MACROH2A1: variants seen among roughly 807,000 people sequenced by gnomAD.
MACROH2A1 encodes the protein macroH2A.1 histone.
Under a neutral mutation model 31.6 loss-of-function variants are expected in MACROH2A1, and 2 were observed. The observed-to-expected ratio is 0.06, with a 90% confidence interval of 0.03 to 0.20. The LOEUF is 0.20. MACROH2A1 is among the 10% of genes least tolerant of loss of function. The probability of loss-of-function intolerance (pLI) is 1.00; values close to 1 mark genes in which losing one functional copy is unlikely to be tolerated. For missense variants in MACROH2A1, 230 were observed against 474.0 expected (o/e 0.49, Z 4.78); for synonymous variants, 169 against 189.6 (o/e 0.89, Z 0.89).
chr5:135,335,145 G>T lies in MACROH2A1; in HGVS notation c.954-4C>A. The T allele has an allele frequency of 6.2e-7, 1 of 1,613,318 alleles. No homozygotes were observed. Among genetic ancestry groups the T allele is most frequent in the South Asian group, 1.1e-5 (1 of 91,016 alleles). ...TGTCTGCTTTGGAAAACCGTTCCTG[G>T]AGAAGAGAAGATAAGCACTCAGCAA... On this transcript the variant is annotated splice_region_variant and splice_polypyrimidine_tract_variant and intron_variant, in intron 8 of 8. Coordinates refer to ENST00000511689, the MANE Select transcript of MACROH2A1 (RefSeq NM_138610.3).
At chr5:135,358,707 G>T (rs1453930999) in intron 5 of MACROH2A1, 3 of 930,824 alleles carry the variant, frequency 3.2e-6, no homozygotes, top group Non-Finnish European at 3.8e-6. Context: ...TAAATGATAT[G>T]TTTGTAATTT....
intron 2 of MACROH2A1, among the ~76,000 whole-genome samples, chr5:135,384,026 G>A (rs539219041): frequency 1.2e-4 from 18 of 152,216 alleles, no homozygotes; most frequent in Admixed American, 8.5e-4. Context: ...TGAGTGTCCC[G>A]GATAGGAAGG....
At chr5:135,349,677 C>T (rs1761280787) in intron 6 of MACROH2A1, among the ~76,000 whole-genome samples, 1 of 152,202 alleles carries the variant, frequency 6.6e-6, no homozygotes. Flanking sequence ...GATGACTTCA[C>T]TGTCTGCTGA....
intron 5 of MACROH2A1, chr5:135,359,159 C>T: frequency 1.0e-6 from 1 of 985,280 alleles, no homozygotes; most frequent in Non-Finnish European, 1.2e-6. Flanking sequence ...CAGGAGGTAA[C>T]AAGAACATAG....
intron 8 of MACROH2A1, among the ~76,000 whole-genome samples, chr5:135,340,268 A>G (rs1759587525): frequency 6.6e-6 from 1 of 152,208 alleles, no homozygotes; most frequent in Admixed American, 6.5e-5. Flanking sequence ...TTGCCCTTGA[A>G]AGGAATAATG....
At chr5:135,364,992 T>G (rs1189959307) in intron 4 of MACROH2A1, among the ~76,000 whole-genome samples, 1 of 152,114 alleles carries the variant, frequency 6.6e-6, no homozygotes, top group East Asian at 1.9e-4. Flanking sequence ...GGGTGAGGTT[T>G]GTTGATGGTT....
chr5:135,339,341 A>G (rs555010750), intron 8 of MACROH2A1, among the ~76,000 whole-genome samples: 44 of 152,090 alleles, frequency 2.9e-4, no homozygotes, highest in Non-Finnish European at 5.7e-4. Flanking sequence ...CAGGGACTCT[A>G]GGTGCACCAA....
chr5:135,358,536 G>C, intron 5 of MACROH2A1: 1 of 985,254 alleles, frequency 1.0e-6, no homozygotes, highest in Non-Finnish European at 1.2e-6. Context: ...TAGGTGGTCT[G>C]TCTGGGTCTA....
At chr5:135,364,864 A>G (rs1322821137) in intron 4 of MACROH2A1, among the ~76,000 whole-genome samples, 1 of 152,210 alleles carries the variant, frequency 6.6e-6, no homozygotes, top group Non-Finnish European at 1.5e-5. Flanking sequence ...TGCAGTTTAA[A>G]TATTTATTCC....
At chr5:135,343,157 A>G in intron 8 of MACROH2A1, 103 bp downstream of exon 8, 5 of 1,594,098 alleles carry the variant, frequency 3.1e-6, no homozygotes, top group Non-Finnish European at 4.3e-6. Context: ...TGGTTAAGGC[A>G]GCCTCCGTGG....
chr5:135,341,883 C>T (rs1302153921), intron 8 of MACROH2A1, among the ~76,000 whole-genome samples: 1 of 152,230 alleles, frequency 6.6e-6, no homozygotes, highest in Non-Finnish European at 1.5e-5. Flanking sequence ...GCAGTTGATG[C>T]TGCACAGCCC....
At chr5:135,357,673 A>G (rs546005218) in intron 5 of MACROH2A1, 1 of 951,142 alleles carries the variant, frequency 1.1e-6, no homozygotes, top group Admixed American at 6.2e-5. Context: ...AACCTCTGAA[A>G]AAAGGCTGCA....
In MACROH2A1 at chr5:135,353,054, A is replaced by AAAAGCATGAGGTGGG. The variant is rs1561593178; in HGVS notation, c.589-24_589-10dup. 6.4e-7 allele frequency: 1 copy of AAAAGCATGAGGTGGG among 1,558,808 alleles called. No homozygotes were observed. The highest frequency in any genetic ancestry group is 1.7e-5 in the Admixed American group (1 of 59,934). ...CTGTGAATAAGGTTCAGCTGCAAAG[A>AAAAGCATGAGGTGGG]AAAGCATGAGGTGGGAAATAACAGG... On this transcript the variant is annotated splice_polypyrimidine_tract_variant and intron_variant, in intron 5 of 8. Coordinates refer to ENST00000511689, the MANE Select transcript of MACROH2A1 (RefSeq NM_138610.3).
chr5:135,352,067 A>G (rs772631897), intron 6 of MACROH2A1, among the ~76,000 whole-genome samples: 16 of 152,170 alleles, frequency 1.1e-4, no homozygotes, highest in Non-Finnish European at 2.2e-4. Context: ...TGTATCTCCC[A>G]GTAAGGAAGT....
chr5:135,348,523 G>A (rs750254674), intron 6 of MACROH2A1, among the ~76,000 whole-genome samples: 1 of 152,214 alleles, frequency 6.6e-6, no homozygotes, highest in African/African-American at 2.4e-5. Flanking sequence ...TCCTGCACTC[G>A]GATTCCTTCT....
intron 1 of MACROH2A1, among the ~76,000 whole-genome samples, chr5:135,395,076 C>A (rs1193088301): frequency 2.6e-5 from 4 of 152,178 alleles, no homozygotes; most frequent in African/African-American, 9.7e-5. Flanking sequence ...AAGGAACACT[C>A]CAATTGCCCT....
intron 1 of MACROH2A1, among the ~76,000 whole-genome samples, chr5:135,396,982 C>A (rs1768092193): frequency 6.6e-6 from 1 of 152,106 alleles, no homozygotes; most frequent in African/African-American, 2.4e-5. Flanking sequence ...GAGATCTGGG[C>A]CCCAATCACT....
chr5:135,360,058 T>A (rs560603285), intron 5 of MACROH2A1: 2 of 283,602 alleles, frequency 7.1e-6, no homozygotes, highest in East Asian at 2.4e-4. Context: ...CAATCCCCTG[T>A]AGAGCCCTGA....
chr5:135,345,721 T>G, intron 7 of MACROH2A1: 1 of 442,250 alleles, frequency 2.3e-6, no homozygotes, highest in Non-Finnish European at 4.1e-6. Flanking sequence ...TTCTTAAAAT[T>G]TGTGATCTAG....
Sources: allele counts gnomAD v4.1 joint callset (sites outside exome capture counted in the v4.1 genomes callset), GRCh38; gene constraint gnomAD v4.1.1; transcripts MANE v1.5; gene names NCBI Gene and HGNC (gene_info 2026-07-23, HGNC 2026-07-21).